The following SGCZ variants were observed in gnomAD, a reference collection of about 807,000 sequenced individuals.
SGCZ encodes the protein sarcoglycan zeta, also known as zeta-sarcoglycan.
Under a neutral mutation model 41.3 loss-of-function variants are expected in SGCZ, and 40 were observed. The ratio of observed to expected loss-of-function variants is 0.97; its 90% CI spans 0.75 to 1.26. The LOEUF (loss-of-function observed/expected upper bound fraction) is 1.26. SGCZ is among the 50% of genes most tolerant of loss of function. SGCZ has a pLI of 0.00. For missense variants in SGCZ, 552 were observed against 369.8 expected (o/e 1.49, Z -4.04); for synonymous variants, 206 against 137.5 (o/e 1.50, Z -3.49).
chr8:14,394,115 C>T (rs1167596305), intron 2 of SGCZ, among the ~76,000 whole-genome samples: 1 of 147,806 alleles, frequency 6.8e-6, no homozygotes, highest in African/African-American at 2.5e-5. Context: ...TCCTGAACTA[C>T]TTCATGCACT....
intron 4 of SGCZ, among the ~76,000 whole-genome samples, chr8:14,210,670 T>C (rs181235651): frequency 5.3e-4 from 80 of 152,052 alleles, no homozygotes; most frequent in African/African-American, 1.9e-3. Flanking sequence ...TTTCATCATG[T>C]TGGCCAAGCT....
At chr8:14,455,550 G>C (rs1800718859) in intron 2 of SGCZ, among the ~76,000 whole-genome samples, 2 of 151,894 alleles carry the variant, frequency 1.3e-5, no homozygotes, top group Admixed American at 6.6e-5. Context: ...AGATTAGGTA[G>C]ATAGATAGAT....
rs146137522 is a variant in SGCZ at position 15,031,644 on chromosome 8, G to A, written c.39+205941C>T. ...TTCCCACACTGGCAGTCAACTCCAG[G>A]GGAAGCGCTCTTGCCAGCTGTACAA... is the stretch of plus-strand genomic sequence containing the variant. On this transcript the variant is annotated intron_variant, in intron 1 of 7. Coordinates refer to ENST00000382080, the MANE Select transcript of SGCZ (RefSeq NM_139167.4). Among the ~76,000 whole-genome samples the A allele has an allele frequency of 2.5e-3, 375 of 152,248 alleles. 2 individuals carry two copies. Among genetic ancestry groups the A allele is most frequent in the African/African-American group, 8.0e-3 (333 of 41,572 alleles).
chr8:15,076,368 G>T (rs1414235431), intron 1 of SGCZ, among the ~76,000 whole-genome samples: 2 of 152,156 alleles, frequency 1.3e-5, no homozygotes, highest in East Asian at 3.9e-4. Context: ...GGTAGCAAGA[G>T]AAGGATGGGA....
chr8:14,235,639 T>C (rs968047309), intron 4 of SGCZ, among the ~76,000 whole-genome samples: 4 of 152,158 alleles, frequency 2.6e-5, no homozygotes, highest in Non-Finnish European at 4.4e-5. Context: ...GGGCATTAAG[T>C]AGCTATTGTG....
intron 1 of SGCZ, among the ~76,000 whole-genome samples, chr8:15,127,447 T>G (rs559634339): frequency 1.3e-5 from 2 of 152,162 alleles, no homozygotes; most frequent in Non-Finnish European, 2.9e-5. Flanking sequence ...AGACCAGATA[T>G]AGAGAGCAGT....
intron 1 of SGCZ, among the ~76,000 whole-genome samples, chr8:14,571,741 G>C (rs1156915503): frequency 6.6e-6 from 1 of 152,034 alleles, no homozygotes; most frequent in Non-Finnish European, 1.5e-5. Flanking sequence ...ACATTTAACT[G>C]GTTTAAAATT....
At chr8:14,520,080 T>C (rs894866586) in intron 2 of SGCZ, among the ~76,000 whole-genome samples, 1 of 152,104 alleles carries the variant, frequency 6.6e-6, no homozygotes, top group Non-Finnish European at 1.5e-5. Context: ...TAACAATCAT[T>C]CCACAATGAC....
At chr8:14,219,110 A>G (rs1460656980) in intron 4 of SGCZ, among the ~76,000 whole-genome samples, 1 of 152,198 alleles carries the variant, frequency 6.6e-6, no homozygotes, top group Non-Finnish European at 1.5e-5. Flanking sequence ...TGCAGCAACA[A>G]TGAGCCATTT....
chr8:14,240,042 T>A (rs1798815044), intron 3 of SGCZ, among the ~76,000 whole-genome samples: 1 of 151,914 alleles, frequency 6.6e-6, no homozygotes, highest in African/African-American at 2.4e-5. Flanking sequence ...AATGGAAAGT[T>A]TAGTCCGGGC....
At chr8:14,607,740 T>C (rs1008420834) in intron 1 of SGCZ, among the ~76,000 whole-genome samples, 1 of 152,134 alleles carries the variant, frequency 6.6e-6, no homozygotes, top group Non-Finnish European at 1.5e-5. Flanking sequence ...GTTAAAAGTA[T>C]CCAGAGGAAC....
chr8:14,166,743 T>A (rs916516369), intron 4 of SGCZ, among the ~76,000 whole-genome samples: 1 of 152,148 alleles, frequency 6.6e-6, no homozygotes, highest in South Asian at 2.1e-4. Flanking sequence ...AAAGATACAT[T>A]ATTAACATAA....
chr8:15,128,072 G>A (rs1163125544), intron 1 of SGCZ, among the ~76,000 whole-genome samples: 2 of 152,102 alleles, frequency 1.3e-5, no homozygotes, highest in Non-Finnish European at 2.9e-5. Flanking sequence ...TCTTTAAGAA[G>A]AGACCCTTTT....
intron 1 of SGCZ, among the ~76,000 whole-genome samples, chr8:14,946,963 T>G (rs1800471203): frequency 6.6e-6 from 1 of 152,118 alleles, no homozygotes; most frequent in Admixed American, 6.6e-5. Flanking sequence ...CGTGAGCCAC[T>G]GCACCTGGAC....
At chr8:14,815,321 C>T (rs754157304) in intron 1 of SGCZ, among the ~76,000 whole-genome samples, 4 of 149,238 alleles carry the variant, frequency 2.7e-5, no homozygotes, top group Non-Finnish European at 5.9e-5. Context: ...TTATACATAG[C>T]GGAAAGTTGA....
intron 2 of SGCZ, among the ~76,000 whole-genome samples, chr8:14,390,863 A>T (rs1022690947): frequency 6.6e-6 from 1 of 152,092 alleles, no homozygotes; most frequent in African/African-American, 2.4e-5. Flanking sequence ...AAATATTTTA[A>T]AAGTATTTTT....
intron 5 of SGCZ, among the ~76,000 whole-genome samples, chr8:14,144,063 C>T (rs1387050160): frequency 6.6e-6 from 1 of 152,156 alleles, no homozygotes; most frequent in East Asian, 1.9e-4. Flanking sequence ...GCCATGAGGA[C>T]TTGCCAACTC....
chr8:14,734,382 CTAAATT>C (rs1484416545), intron 1 of SGCZ, among the ~76,000 whole-genome samples: 2 of 152,064 alleles, frequency 1.3e-5, no homozygotes, highest in African/African-American at 4.8e-5. Flanking sequence ...ATTTGAAACT[CTAAATT>C]TAAAAGAAGT....
chr8:14,198,187 G>A (rs976729039), intron 4 of SGCZ, among the ~76,000 whole-genome samples: 3 of 152,140 alleles, frequency 2.0e-5, no homozygotes, highest in African/African-American at 7.2e-5. Flanking sequence ...TCCCACCTGG[G>A]ACATGAATCA....
Sources: allele counts gnomAD v4.1 joint callset (sites outside exome capture counted in the v4.1 genomes callset), GRCh38; gene constraint gnomAD v4.1.1; transcripts MANE v1.5; gene names NCBI Gene and HGNC (gene_info 2026-07-23, HGNC 2026-07-21).